ZFPM2: variants seen among roughly 807,000 people sequenced by gnomAD.
The protein encoded by ZFPM2 is zinc finger protein ZFPM2.
ZFPM2 carries 20 observed loss-of-function variants against 98.6 expected under a neutral mutation model. The ratio of observed to expected loss-of-function variants is 0.20; its 90% CI spans 0.14 to 0.29. The LOEUF is 0.29. Among genes scored for constraint, ZFPM2 ranks in the 10% least tolerant of loss-of-function variants. The probability of loss-of-function intolerance (pLI) is 1.00; values close to 1 mark genes in which losing one functional copy is unlikely to be tolerated. For synonymous variants in ZFPM2, 518 were observed against 502.7 expected (o/e 1.03, Z -0.41); for missense variants, 1,310 against 1,388.6 (o/e 0.94, Z 0.90).
chr8:105,368,563 A>AT (rs886650265), intron 1 of ZFPM2, among the ~76,000 whole-genome samples: 3 of 151,768 alleles, frequency 2.0e-5, no homozygotes, highest in African/African-American at 7.3e-5. Context: ...AGGTTTTTAA[A>AT]TTTTTTTTTC....
intron 3 of ZFPM2, among the ~76,000 whole-genome samples, chr8:105,486,605 G>A (rs1813234892): frequency 6.6e-6 from 1 of 152,160 alleles, no homozygotes; most frequent in Non-Finnish European, 1.5e-5. Flanking sequence ...ACACCAAACT[G>A]TGCGGGAAAA....
At chr8:105,425,041 G>A (rs1373078060) in intron 2 of ZFPM2, among the ~76,000 whole-genome samples, 4 of 148,236 alleles carry the variant, frequency 2.7e-5, no homozygotes, top group Non-Finnish European at 5.9e-5. Context: ...CCAGTACTGA[G>A]TCAAGTCTGC....
intron 5 of ZFPM2, among the ~76,000 whole-genome samples, chr8:105,684,364 T>C (rs546378687): frequency 1.3e-5 from 2 of 152,246 alleles, no homozygotes; most frequent in African/African-American, 4.8e-5. Context: ...AATTGGGGTG[T>C]CAAAAATTAC....
chr8:105,596,378 G>GA (rs1236227003), intron 4 of ZFPM2, among the ~76,000 whole-genome samples: 3 of 152,018 alleles, frequency 2.0e-5, no homozygotes, highest in Non-Finnish European at 4.4e-5. Context: ...AGGAAACAAA[G>GA]AAAGAGAGGA....
intron 5 of ZFPM2, among the ~76,000 whole-genome samples, chr8:105,651,877 A>G (rs1430202356): frequency 6.6e-6 from 1 of 152,192 alleles, no homozygotes; most frequent in Non-Finnish European, 1.5e-5. Flanking sequence ...CAGTACCCAC[A>G]ATGGATTCTC....
At chr8:105,653,234 A>G (rs776039875) in intron 5 of ZFPM2, among the ~76,000 whole-genome samples, 1 of 152,212 alleles carries the variant, frequency 6.6e-6, no homozygotes, top group Non-Finnish European at 1.5e-5. Flanking sequence ...AAATTAAGAT[A>G]ATGATTTTGC....
intron 3 of ZFPM2, among the ~76,000 whole-genome samples, chr8:105,462,866 C>T (rs866498811): frequency 6.6e-6 from 1 of 151,972 alleles, no homozygotes; most frequent in African/African-American, 2.4e-5. Context: ...AAATAAAAGT[C>T]GTTTATTCGA....
intron 3 of ZFPM2, among the ~76,000 whole-genome samples, chr8:105,531,467 A>G (rs1399299172): frequency 6.6e-6 from 1 of 152,032 alleles, no homozygotes; most frequent in African/African-American, 2.4e-5. Flanking sequence ...TCATCTCATG[A>G]CCATCTTCTT....
At chr8:105,791,351 GT>G (rs1311802460) in intron 6 of ZFPM2, among the ~76,000 whole-genome samples, 1 of 152,190 alleles carries the variant, frequency 6.6e-6, no homozygotes, top group East Asian at 1.9e-4. Context: ...AGATAATCAT[GT>G]GGTTTTTGTC....
At chr8:105,729,976 G>C (rs1398127065) in intron 5 of ZFPM2, among the ~76,000 whole-genome samples, 2 of 151,276 alleles carry the variant, frequency 1.3e-5, no homozygotes, top group East Asian at 3.9e-4. Flanking sequence ...ATATATTTAT[G>C]AGTGGATCTT....
chr8:105,573,374 C>T (rs1022447835), intron 4 of ZFPM2, among the ~76,000 whole-genome samples: 1 of 152,120 alleles, frequency 6.6e-6, no homozygotes, highest in Non-Finnish European at 1.5e-5. Flanking sequence ...AGGCTGTCTG[C>T]CACAGAAGGT....
At chr8:105,624,807 C>A (rs930363637) in intron 4 of ZFPM2, among the ~76,000 whole-genome samples, 6 of 152,030 alleles carry the variant, frequency 3.9e-5, no homozygotes, top group African/African-American at 7.2e-5. Context: ...AGCAAATATA[C>A]CTCAGAGATA....
At chr8:105,793,736 A>C (rs1023346077) in intron 6 of ZFPM2, among the ~76,000 whole-genome samples, 1 of 151,952 alleles carries the variant, frequency 6.6e-6, no homozygotes, top group African/African-American at 2.4e-5. Flanking sequence ...TCAGACGTAG[A>C]TTTGGTCTTT....
intron 6 of ZFPM2, among the ~76,000 whole-genome samples, chr8:105,793,490 C>T (rs548620898): frequency 9.8e-4 from 149 of 152,152 alleles, no homozygotes; most frequent in African/African-American, 3.4e-3. Context: ...TGTGGGTAAC[C>T]CGTCCTTTCT....
At chr8:105,456,155 T>G (rs1812586852) in intron 3 of ZFPM2, among the ~76,000 whole-genome samples, 2 of 116,722 alleles carry the variant, frequency 1.7e-5, no homozygotes, top group Admixed American at 1.8e-4. Flanking sequence ...TGTTTTTTTT[T>G]GTTTGTTTGT....
At chr8:105,753,874 A>G (rs998403451) in intron 5 of ZFPM2, among the ~76,000 whole-genome samples, 1 of 152,148 alleles carries the variant, frequency 6.6e-6, no homozygotes, top group African/African-American at 2.4e-5. Flanking sequence ...TGAGGATTGA[A>G]TTTTGTACTG....
intron 1 of ZFPM2, among the ~76,000 whole-genome samples, chr8:105,391,198 T>G (rs1229670500): frequency 6.6e-6 from 1 of 152,236 alleles, no homozygotes; most frequent in Non-Finnish European, 1.5e-5. Context: ...TGTGCTCACT[T>G]CATGTCCCTG....
At chr8:105,413,318 AC>A (rs923085217) in intron 1 of ZFPM2, among the ~76,000 whole-genome samples, 31 of 151,834 alleles carry the variant, frequency 2.0e-4, no homozygotes, top group Middle Eastern at 3.4e-3. Context: ...AACTCCTTTT[AC>A]CTATCAACTA....
At chr8:105,730,447 A>G (rs569475647) in intron 5 of ZFPM2, among the ~76,000 whole-genome samples, 5 of 151,848 alleles carry the variant, frequency 3.3e-5, no homozygotes, top group Admixed American at 6.6e-5. Flanking sequence ...AGTGATGCCA[A>G]TCACCTCCCA....
Sources: allele counts gnomAD v4.1 joint callset (sites outside exome capture counted in the v4.1 genomes callset), GRCh38; gene constraint gnomAD v4.1.1; transcripts MANE v1.5; gene names NCBI Gene and HGNC (gene_info 2026-07-23, HGNC 2026-07-21).